Variants in ATP6V1C1 observed in about 807,000 individuals in gnomAD.
The protein encoded by ATP6V1C1 is V-type proton ATPase subunit C 1.
Under a neutral mutation model 53.9 loss-of-function variants are expected in ATP6V1C1, and 45 were observed. The ratio of observed to expected loss-of-function variants is 0.83; its 90% CI spans 0.66 to 1.07. The LOEUF (loss-of-function observed/expected upper bound fraction) is 1.07, where lower values mean the gene tolerates loss of function less well. Among genes scored for constraint, ATP6V1C1 ranks in the 50% least tolerant of loss-of-function variants. ATP6V1C1 has a pLI of 0.00. For synonymous variants in ATP6V1C1, 153 were observed against 155.2 expected, an observed-to-expected ratio of 0.99 and a Z score of 0.11; for missense variants, 315 against 440.3, an observed-to-expected ratio of 0.72 and a Z score of 2.55.
intron 2 of ATP6V1C1, among the ~76,000 whole-genome samples, chr8:103,042,014 C>T (rs991890418): frequency 2.6e-5 from 4 of 152,180 alleles, no homozygotes; most frequent in African/African-American, 9.7e-5. Flanking sequence ...GACCCTCTAG[C>T]GCACATCCGT....
intron 8 of ATP6V1C1, among the ~76,000 whole-genome samples, chr8:103,059,747 C>A (rs1034963758): frequency 5.9e-5 from 9 of 151,852 alleles, no homozygotes; most frequent in African/African-American, 2.2e-4. Flanking sequence ...TTGACCCTAG[C>A]TGGTCTCCTT....
chr8:103,048,500 A>T (rs1422628190), intron 3 of ATP6V1C1, among the ~76,000 whole-genome samples: 1 of 152,222 alleles, frequency 6.6e-6, no homozygotes, highest in Non-Finnish European at 1.5e-5. Flanking sequence ...GAACATAGTG[A>T]ATGCTAGTTC....
chr8:103,063,346 T>C, intron 10 of ATP6V1C1, 118 bp downstream of exon 10: 1 of 467,148 alleles, frequency 2.1e-6, no homozygotes, highest in Non-Finnish European at 3.6e-6. Flanking sequence ...TTGATTTTAG[T>C]TTTTTTTTTT....
chr8:103,047,369 T>C (rs1407883593), intron 3 of ATP6V1C1, among the ~76,000 whole-genome samples: 1 of 142,188 alleles, frequency 7.0e-6, no homozygotes, highest in Non-Finnish European at 1.5e-5. Context: ...ATTGCACCAC[T>C]GCATTCCAAC....
At position 103,048,804 on chromosome 8, in the gene ATP6V1C1, TC is replaced by T. The variant is rs1817149478; in HGVS notation, c.201-65del. ...AAATTCATGTCTTTATGTAATATGTTCATTGTATAGAATGGAATTTAGATCT... is the reference window on the plus strand; with the variant it reads ...AAATTCATGTCTTTATGTAATATGTTATTGTATAGAATGGAATTTAGATCT... On this transcript the variant is annotated intron_variant, in intron 3 of 12. Transcript: ENST00000518738. 3 of 1,356,934 alleles carry T rather than the reference TC, an allele frequency of 2.2e-6. No individual in the cohort carries two copies. In the Admixed American group the frequency reaches 5.2e-5, roughly 24 times the overall value. 84.1% of individuals were successfully genotyped at this position (1,356,934 alleles called of 1,614,324 possible). A position where few individuals can be genotyped will look rare whatever the true frequency, so the allele number is the denominator to read the frequency against.
chr8:103,037,654 A>T (rs1028049920), intron 1 of ATP6V1C1, among the ~76,000 whole-genome samples: 6 of 152,214 alleles, frequency 3.9e-5, no homozygotes, highest in Admixed American at 1.3e-4. Flanking sequence ...TTGCCATGCA[A>T]TGTTATGTTT....
chr8:103,065,239 C>T (rs1015422717), intron 11 of ATP6V1C1, among the ~76,000 whole-genome samples: 4 of 152,068 alleles, frequency 2.6e-5, no homozygotes, highest in African/African-American at 9.7e-5. Context: ...GTATGGGTTG[C>T]TCATATTAGA....
chr8:103,059,659 C>G (rs942407551), intron 8 of ATP6V1C1, among the ~76,000 whole-genome samples: 1 of 151,890 alleles, frequency 6.6e-6, no homozygotes, highest in African/African-American at 2.4e-5. Context: ...AGGGTTAAAT[C>G]TACTCTCCCC....
At chr8:103,061,072 T>C (rs1027751750) in intron 8 of ATP6V1C1, among the ~76,000 whole-genome samples, 6 of 152,214 alleles carry the variant, frequency 3.9e-5, no homozygotes, top group African/African-American at 1.4e-4. Flanking sequence ...TGAGTAAATC[T>C]TGGCAAAGCA....
chr8:103,034,498 CATACAT>C (rs1162228121), intron 1 of ATP6V1C1, among the ~76,000 whole-genome samples: 1 of 151,798 alleles, frequency 6.6e-6, no homozygotes, highest in African/African-American at 2.4e-5. Flanking sequence ...TGAATAAAGA[CATACAT>C]ATTCATCTGC....
chr8:103,036,506 T>A (rs1816901702), intron 1 of ATP6V1C1, among the ~76,000 whole-genome samples: 1 of 152,054 alleles, frequency 6.6e-6, no homozygotes. Flanking sequence ...GAACAACATA[T>A]CAAGACTCCA....
chr8:103,032,819 G>C (rs1028853894), intron 1 of ATP6V1C1, among the ~76,000 whole-genome samples: 1 of 152,118 alleles, frequency 6.6e-6, no homozygotes, highest in Non-Finnish European at 1.5e-5. Flanking sequence ...ATTCAACTTA[G>C]AAATTCTACT....
intron 8 of ATP6V1C1, among the ~76,000 whole-genome samples, chr8:103,058,040 C>G (rs193083572): frequency 6.6e-6 from 1 of 152,202 alleles, no homozygotes; most frequent in East Asian, 1.9e-4. Context: ...GAATGTCCTC[C>G]AGAGATGGAC....
In ATP6V1C1 at chr8:103,053,918, G is replaced by T. The variant is rs1236335071; in HGVS notation, c.508G>T (p.Val170Leu). The change falls in exon 7 of 13, where the codon GTG (valine) becomes TTG (leucine). Residue 170 changes from valine (V) to leucine (L), a missense_variant. Coordinates refer to ENST00000518738, the MANE Select transcript of ATP6V1C1 (RefSeq NM_001695.5). ...SLLTRSLAEIVKKDDFVLDSE... is the reference protein window; with the variant it reads ...SLLTRSLAEILKKDDFVLDSE... ...GCTAACTAGAAGTCTAGCAGAAATT[G>T]TGAAGAAGGATGACTTTGTTCTTGA... 6.2e-7 allele frequency: 1 copy of T among 1,611,650 alleles called. No homozygotes were observed. Among genetic ancestry groups the T allele is most frequent in the Non-Finnish European group, 8.5e-7 (1 of 1,178,664 alleles).
Position 103,051,961 on chromosome 8 carries a change from A to G in ATP6V1C1, c.382-770A>G, listed in dbSNP as rs565173660. ...ATAGTTAAATGTAAATAAATAGACT[A>G]TCAAAGATTTTAACTAAAGTCATCA... On this transcript the variant is annotated intron_variant, in intron 5 of 12. Transcript: ENST00000518738. Among the ~76,000 whole-genome samples, 7 of 152,216 alleles carry G rather than the reference A, an allele frequency of 4.6e-5. No homozygotes were observed. In the East Asian group the frequency reaches 1.2e-3, roughly 25 times the overall value.
chr8:103,055,864 G>A lies in ATP6V1C1; in HGVS notation c.573-4G>A, dbSNP rs1213541287. ...TTCCAATGTGTATTGTACCTTTTCT[G>A]CAGGTTAAACCACAACGACTGGATT... On this transcript the variant is annotated splice_polypyrimidine_tract_variant and splice_region_variant and intron_variant, in intron 7 of 12. Coordinates refer to ENST00000518738, the MANE Select transcript of ATP6V1C1 (RefSeq NM_001695.5). The A allele has an allele frequency of 6.2e-7, 1 of 1,610,858 alleles. No individual in the cohort carries two copies. The highest frequency in any genetic ancestry group is 8.5e-7 in the Non-Finnish European group (1 of 1,177,948).
At chr8:103,064,955 C>A in intron 11 of ATP6V1C1, 144 bp downstream of exon 11, 1 of 637,488 alleles carries the variant, frequency 1.6e-6, no homozygotes, top group East Asian at 2.9e-5. Flanking sequence ...TTATCAGTAT[C>A]ATCATACAGC....
intron 1 of ATP6V1C1, among the ~76,000 whole-genome samples, chr8:103,027,073 A>G (rs1036603757): frequency 2.6e-5 from 4 of 152,222 alleles, no homozygotes; most frequent in Non-Finnish European, 5.9e-5. Context: ...GGATGTGGCA[A>G]CTTTTTAACT....
At chr8:103,029,136 C>T (rs914311813) in intron 1 of ATP6V1C1, among the ~76,000 whole-genome samples, 19 of 152,090 alleles carry the variant, frequency 1.2e-4, no homozygotes, top group African/African-American at 4.6e-4. Flanking sequence ...CTATGCATAT[C>T]CTTATTTTCT....
Sources: gnomAD v4.1 joint callset for allele counts (sites outside exome capture counted in the v4.1 genomes callset) on GRCh38, gnomAD v4.1.1 for gene constraint, MANE v1.5 for transcripts, NCBI Gene and HGNC (gene_info 2026-07-23, HGNC 2026-07-21) for gene names.